Variants in UGGT2 observed in about 807,000 individuals in gnomAD.
UGGT2 encodes the protein UDP-glucose:glycoprotein glucosyltransferase 2.
UGGT2 carries 180 observed loss-of-function variants against 192.1 expected under a neutral mutation model. That is an observed-to-expected ratio of 0.94 (90% confidence interval 0.83 to 1.06). UGGT2 has a LOEUF of 1.06. Ranked by LOEUF, UGGT2 falls within the 50% of genes least tolerant of loss-of-function variation. The pLI is 0.00. For missense variants in UGGT2, 1,849 were observed against 1,795.7 expected (o/e 1.03, Z -0.54); for synonymous variants, 580 against 591.0 (o/e 0.98, Z 0.27).
intron 1 of UGGT2, among the ~76,000 whole-genome samples, chr13:96,052,570 T>C (rs2053516430): frequency 6.6e-6 from 1 of 152,196 alleles, no homozygotes; most frequent in South Asian, 2.1e-4. Flanking sequence ...TGAACAGCCA[T>C]TAAGTCATTG....
At chr13:96,016,769 G>A (rs2052351153) in intron 4 of UGGT2, among the ~76,000 whole-genome samples, 1 of 152,232 alleles carries the variant, frequency 6.6e-6, no homozygotes, top group African/African-American at 2.4e-5. Context: ...ATACTGCCTA[G>A]TGGAGCTAGT....
chr13:95,846,331 A>C lies in UGGT2; in HGVS notation c.4284+7212T>G, dbSNP rs572660111. On this transcript the variant is annotated intron_variant, in intron 36 of 38. Coordinates refer to ENST00000376747, the MANE Select transcript of UGGT2 (RefSeq NM_020121.4). ...TCCCAGGCACTCGGCAGGCTGAGGC[A>C]GGAGAATCACGCAGGGAAGTTGCAG... Among the ~76,000 whole-genome samples, 525 of 148,746 alleles carry C rather than the reference A, an allele frequency of 3.5e-3. 5 individuals are homozygous for C. Among genetic ancestry groups the C allele is most frequent in the African/African-American group, 0.012 (496 of 40,932 alleles).
At chr13:95,820,631 G>A (rs948740718) in intron 38 of UGGT2, among the ~76,000 whole-genome samples, 1 of 151,896 alleles carries the variant, frequency 6.6e-6, no homozygotes, top group African/African-American at 2.4e-5. Flanking sequence ...ATAGCTTTTG[G>A]GGTGCAAGTG....
intron 12 of UGGT2, among the ~76,000 whole-genome samples, chr13:95,969,623 T>C (rs1266124870): frequency 6.6e-6 from 1 of 152,198 alleles, no homozygotes; most frequent in Non-Finnish European, 1.5e-5. Context: ...ACAGCAGCCA[T>C]CTGCAGCCTC....
intron 2 of UGGT2, among the ~76,000 whole-genome samples, chr13:96,026,336 T>C (rs915231764): frequency 7.2e-5 from 11 of 152,184 alleles, no homozygotes; most frequent in African/African-American, 2.2e-4. Flanking sequence ...CAAGAAATAA[T>C]TGGAGAAATT....
chr13:95,993,628 G>C (rs1272352453), intron 7 of UGGT2, among the ~76,000 whole-genome samples: 2 of 152,016 alleles, frequency 1.3e-5, no homozygotes, highest in Non-Finnish European at 2.9e-5. Context: ...AAGGCCACTA[G>C]AGTATACTGA....
At chr13:95,973,354 A>G (rs2140801913) in intron 10 of UGGT2, among the ~76,000 whole-genome samples, 1 of 152,310 alleles carries the variant, frequency 6.6e-6, no homozygotes. Context: ...TGATTTTACA[A>G]TACATGATAT....
At chr13:95,882,899 C>T (rs763620357) in intron 27 of UGGT2, among the ~76,000 whole-genome samples, 9 of 152,148 alleles carry the variant, frequency 5.9e-5, no homozygotes, top group Admixed American at 1.3e-4. Flanking sequence ...AGTATATTGC[C>T]GCACTCTCTT....
At chr13:96,042,114 G>A (rs1056334795) in intron 1 of UGGT2, among the ~76,000 whole-genome samples, 1 of 152,146 alleles carries the variant, frequency 6.6e-6, no homozygotes, top group Admixed American at 6.5e-5. Flanking sequence ...CCCTCAGAGA[G>A]TCCATTTCAC....
Position 96,023,763 on chromosome 13 carries a change from T to C in UGGT2, c.242-4A>G. The C allele has an allele frequency of 6.3e-7, 1 of 1,581,832 alleles. No individual in the cohort carries two copies. The highest frequency in any genetic ancestry group is 8.6e-7 in the Non-Finnish European group (1 of 1,159,654). On this transcript the variant is annotated splice_polypyrimidine_tract_variant and splice_region_variant and intron_variant, in intron 2 of 38. Coordinates refer to ENST00000376747, the MANE Select transcript of UGGT2 (RefSeq NM_020121.4). ...TTGTAATAAGAATAATCTGATTCTA[T>C]AAAAAGAAGTCAAAAGAAAATAAAT...
intron 10 of UGGT2, among the ~76,000 whole-genome samples, chr13:95,976,802 C>T (rs1044837130): frequency 1.3e-5 from 2 of 152,112 alleles, no homozygotes; most frequent in African/African-American, 4.8e-5. Flanking sequence ...TCAAACTATA[C>T]TACAAGGCTA....
intron 5 of UGGT2, among the ~76,000 whole-genome samples, chr13:96,009,774 C>A (rs2052097564): frequency 6.6e-6 from 1 of 152,166 alleles, no homozygotes; most frequent in Non-Finnish European, 1.5e-5. Flanking sequence ...CGCCACTGCA[C>A]TCCAGCCTGG....
At chr13:95,855,043 G>T (rs1889444515) in intron 34 of UGGT2, among the ~76,000 whole-genome samples, 1 of 147,820 alleles carries the variant, frequency 6.8e-6, no homozygotes, top group African/African-American at 2.5e-5. Context: ...GGGCTCAGAT[G>T]GGAGGATTGC....
At chr13:95,899,740 A>G (rs1202317910) in intron 22 of UGGT2, among the ~76,000 whole-genome samples, 1 of 152,096 alleles carries the variant, frequency 6.6e-6, no homozygotes. Flanking sequence ...TTTCCTCCCA[A>G]AGTAACTTTT....
chr13:95,947,054 A>G lies in UGGT2; in HGVS notation c.1660T>C (p.Phe554Leu). ...AAACTCACGTGTACTATAGAAATAA[A>G]TGCTTCTGATATATCAAATTCTTCT... is the stretch of plus-strand genomic sequence containing the variant. ...IAEEFDISEA[F>L]ISIVHMYQKV... Residue 554 changes from phenylalanine to leucine, a missense_variant, in exon 15 of 39, where the codon TTT becomes CTT. Transcript: ENST00000376747. 1.2e-6 allele frequency: 2 copies of G among 1,600,472 alleles called. No homozygotes were observed. Among genetic ancestry groups the G allele is most frequent in the Non-Finnish European group, 1.7e-6 (2 of 1,176,290 alleles).
intron 20 of UGGT2, among the ~76,000 whole-genome samples, chr13:95,923,801 C>A (rs2140418593): frequency 6.6e-6 from 1 of 152,138 alleles, no homozygotes; most frequent in Non-Finnish European, 1.5e-5. Flanking sequence ...ATAATTTCAA[C>A]CATGTAAAAA....
At chr13:95,882,896 T>C (rs1283541039) in intron 27 of UGGT2, among the ~76,000 whole-genome samples, 1 of 152,232 alleles carries the variant, frequency 6.6e-6, no homozygotes, top group Non-Finnish European at 1.5e-5. Context: ...TTGAGTATAT[T>C]GCCGCACTCT....
intron 4 of UGGT2, among the ~76,000 whole-genome samples, chr13:96,017,057 T>C (rs569171282): frequency 2.2e-4 from 33 of 152,324 alleles, no homozygotes; most frequent in African/African-American, 6.7e-4. Flanking sequence ...GTTACTCTTT[T>C]CTTTTGGCCG....
intron 17 of UGGT2, among the ~76,000 whole-genome samples, chr13:95,928,923 G>T (rs761886774): frequency 6.6e-6 from 1 of 152,172 alleles, no homozygotes; most frequent in Admixed American, 6.5e-5. Context: ...CTAAGTGAGC[G>T]AGACTCCATC....
Sources: gnomAD v4.1 joint callset for allele counts (sites outside exome capture counted in the v4.1 genomes callset) on GRCh38, gnomAD v4.1.1 for gene constraint, MANE v1.5 for transcripts, NCBI Gene and HGNC (gene_info 2026-07-23, HGNC 2026-07-21) for gene names.